TPM3: variants seen among roughly 807,000 people sequenced by gnomAD.
TPM3 encodes the protein tropomyosin 3, also known as tropomyosin alpha-3 chain.
TPM3 carries 16 observed loss-of-function variants against 43.1 expected under a neutral mutation model. The observed-to-expected ratio is 0.37, with a 90% CI of 0.25 to 0.56. The LOEUF (loss-of-function observed/expected upper bound fraction) is 0.56. Among genes scored for constraint, TPM3 ranks in the 20% least tolerant of loss-of-function variants. The probability of loss-of-function intolerance (pLI) is 0.77; values close to 1 mark genes in which losing one functional copy is unlikely to be tolerated. For missense variants in TPM3, 176 were observed against 337.2 expected (o/e 0.52, Z 3.74); for synonymous variants, 101 against 116.9 (o/e 0.86, Z 0.88).
intron 5 of TPM3, 155 bp downstream of exon 5, chr1:154,172,753 C>T: frequency 1.1e-6 from 1 of 919,294 alleles, no homozygotes; most frequent in Non-Finnish European, 1.8e-6. Flanking sequence ...AAGCCTAAAA[C>T]CATTCTTGGG....
Position 154,183,164 on chromosome 1 carries a change from C to T in TPM3, c.244-6916G>A, listed in dbSNP as rs961203414. The stretch of plus-strand genomic sequence containing the variant: ...CTCGCGCTCCGGTTCCTGCCTCCTC[C>T]GCTCGGCGTTGCAGCCTCCTCTCAC... On this transcript the variant is annotated intron_variant, in intron 2 of 9. Coordinates refer to ENST00000651641, the MANE Select transcript of TPM3 (RefSeq NM_152263.4). 3.8e-6 allele frequency: 6 copies of T among 1,597,190 alleles called. No individual in the cohort carries two copies. In the East Asian group the frequency reaches 6.7e-5, roughly 18 times the overall value.
At chr1:154,171,289 TA>T (rs1661542771) in intron 6 of TPM3, 123 bp downstream of exon 6, 1 of 973,148 alleles carries the variant, frequency 1.0e-6, no homozygotes, top group East Asian at 2.4e-5. Flanking sequence ...GAATACATGG[TA>T]AGGAGGTAGG....
chr1:154,185,985 G>A (rs1010516385), intron 2 of TPM3, among the ~76,000 whole-genome samples: 2 of 151,518 alleles, frequency 1.3e-5, no homozygotes, highest in Non-Finnish European at 2.9e-5. Flanking sequence ...TGCCCTCAAT[G>A]TCTAGTTCTA....
intron 2 of TPM3, chr1:154,183,365 C>T: frequency 7.4e-7 from 1 of 1,355,382 alleles, no homozygotes; most frequent in Non-Finnish European, 9.7e-7. Flanking sequence ...CCCGGCCTTA[C>T]CTTGGGCCAG....
At chr1:154,183,220 C>G in intron 2 of TPM3, 1 of 1,559,510 alleles carries the variant, frequency 6.4e-7, no homozygotes, top group South Asian at 1.2e-5. Context: ...CCCTGAAATA[C>G]CGGAACTCAC....
At chr1:154,159,116 A>C, downstream of TPM3, 1 of 770,708 alleles carries the variant, frequency 1.3e-6, no homozygotes, top group Non-Finnish European at 2.4e-6. Flanking sequence ...GAAAGAGAAA[A>C]AGGGAAAGTT....
At position 154,166,803 on chromosome 1, in the gene TPM3, T is replaced by C. The variant is rs1463568537; in HGVS notation, c.*1134A>G. The C allele has an allele frequency of 3.4e-6, 2 of 588,540 alleles. No individual in the cohort carries two copies. Among genetic ancestry groups the C allele is most frequent in the Non-Finnish European group, 4.3e-6 (2 of 468,042 alleles). 36.5% of individuals were successfully genotyped at this position (588,540 alleles called of 1,614,324 possible). ...TGCAAGCGATTCTCCTGCCTCAGCC[T>C]CCCGAGTAGCTGGGATTACAGGCAC... On this transcript the variant is annotated 3_prime_UTR_variant, in exon 10 of 10. Transcript: ENST00000651641.
chr1:154,159,991 CTTTTTTTT>C, downstream of TPM3, among the ~76,000 whole-genome samples: 1 of 129,836 alleles, frequency 7.7e-6, no homozygotes, highest in East Asian at 2.2e-4. Context: ...AAGTTATTTC[CTTTTTTTT>C]TTTTTTTTTT....
intron 2 of TPM3, among the ~76,000 whole-genome samples, chr1:154,187,751 C>T (rs1008560949): frequency 1.3e-5 from 2 of 151,478 alleles, no homozygotes; most frequent in Non-Finnish European, 2.9e-5. Flanking sequence ...CTTTTTCTTG[C>T]TCCTGGAAAC....
Position 154,172,922 on chromosome 1 carries a change from A to G in TPM3, c.552T>C (p.Ala184=), listed in dbSNP as rs918869729. The G allele has an allele frequency of 6.8e-6, 11 of 1,614,058 alleles. No homozygotes were observed. In the Middle Eastern group the frequency reaches 6.6e-4, roughly 96 times the overall value. Residue 184 remains alanine, a synonymous_variant, in exon 5 of 10, where the codon GCT becomes GCC. Coordinates refer to ENST00000651641, the MANE Select transcript of TPM3 (RefSeq NM_152263.4). ...TAGATACTCACGACTCTGCCAGCTC[A>G]GCTCGTTCCTCTGTGCGTTCCAAGT... ...EGDLERTEER[A]ELAESKCSEL... is the part of the protein sequence containing the mutation.
downstream of TPM3, among the ~76,000 whole-genome samples, chr1:154,161,546 T>C (rs4437871): frequency 0.9 from 135,856 of 150,898 alleles, 61,370 homozygotes; most frequent in East Asian, 1. Flanking sequence ...AGCGATTCTC[T>C]CGCCTCAGCC....
intron 2 of TPM3, among the ~76,000 whole-genome samples, chr1:154,185,566 C>T (rs1372827304): frequency 6.7e-6 from 1 of 150,040 alleles, no homozygotes; most frequent in East Asian, 1.9e-4. Flanking sequence ...AAAAACTAGC[C>T]AGGTGCAGTA....
Position 154,165,528 on chromosome 1 carries a change from C to G in TPM3, c.*2409G>C, listed in dbSNP as rs142369480. Among the ~76,000 whole-genome samples, 1,994 of 151,936 alleles carry G rather than the reference C, an allele frequency of 0.013. 48 individuals carry two copies. The highest frequency in any genetic ancestry group is 0.044 in the African/African-American group (1,833 of 41,418). On this transcript the variant is annotated 3_prime_UTR_variant, in exon 10 of 10. Transcript: ENST00000651641. ...TGTTGGCTGGGCGCAGTGGCTCAAG[C>G]CTGTAATCCCATCACTTTGGGAGGC...
In TPM3 at chr1:154,166,689, CT is replaced by C. The variant is rs72189266; in HGVS notation, c.*1247del. The C allele has an allele frequency of 0.011, 9,960 of 873,706 alleles. No individual in the cohort carries two copies. The highest frequency in any genetic ancestry group is 0.013 in the Non-Finnish European group (9,266 of 720,168). The allele number at this position is 873,706 out of a possible 1,614,324, so 54.1% of individuals were successfully genotyped here. ...GCTGTGTAAATTGGAATGCGAATTC[CT>C]TTTTTTTTTTTGAGATGGAGTCTCT... On this transcript the variant is annotated 3_prime_UTR_variant, in exon 10 of 10. Coordinates refer to ENST00000651641, the MANE Select transcript of TPM3 (RefSeq NM_152263.4).
At chr1:154,176,499 C>G (rs995279410) in intron 2 of TPM3, among the ~76,000 whole-genome samples, 1 of 152,018 alleles carries the variant, frequency 6.6e-6, no homozygotes, top group African/African-American at 2.4e-5. Flanking sequence ...TTGCCCAGCC[C>G]AGTGAGTTAG....
intron 8 of TPM3, chr1:154,169,663 A>T: frequency 1.8e-6 from 1 of 542,196 alleles, no homozygotes; most frequent in South Asian, 2.1e-5. Context: ...AGCACTCAAG[A>T]GGATACCACT....
At position 154,176,213 on chromosome 1, in the gene TPM3, G is replaced by T; in HGVS notation, c.279C>A (p.Ile93=). 1 of 1,614,158 alleles carries T rather than the reference G, an allele frequency of 6.2e-7. No homozygotes were observed. The highest frequency in any genetic ancestry group is 1.1e-5 in the South Asian group (1 of 91,078). The change falls in exon 3 of 10, where the codon ATC becomes ATA. Residue 93 remains isoleucine (I), a synonymous_variant. Coordinates refer to ENST00000651641, the MANE Select transcript of TPM3 (RefSeq NM_152263.4). ...GGTCCAGCTCTTCTTCAACCAGCTG[G>T]ATCCTACGGTTCAAGGAGGCCACCT... is the stretch of plus-strand genomic sequence containing the variant. ...EAEVASLNRR[I]QLVEEELDRA...
At chr1:154,171,341 C>G (rs1661552142) in intron 6 of TPM3, 72 bp downstream of exon 6, 22 of 1,512,982 alleles carry the variant, frequency 1.5e-5, no homozygotes, top group Non-Finnish European at 1.7e-5. Flanking sequence ...GAATGCGTGT[C>G]TCCAGTCTTT....
intron 9 of TPM3, 45 bp downstream of exon 9, chr1:154,169,260 C>A: frequency 1.3e-6 from 2 of 1,590,708 alleles, no homozygotes; most frequent in Non-Finnish European, 1.7e-6. Context: ...CCCCCATCCA[C>A]CCACAAGCCA....
Sources: allele counts gnomAD v4.1 joint callset (sites outside exome capture counted in the v4.1 genomes callset), GRCh38; gene constraint gnomAD v4.1.1; transcripts MANE v1.5; gene names NCBI Gene and HGNC (gene_info 2026-07-23, HGNC 2026-07-21).